The following GSE1 variants were observed in gnomAD, a reference collection of about 807,000 sequenced individuals.
The protein encoded by GSE1 is Gse1 coiled-coil protein, also known as genetic suppressor element 1.
In GSE1, 32 loss-of-function variants were observed where a neutral mutation model predicts 112.6. That is an observed-to-expected ratio of 0.28 (90% CI 0.21 to 0.38). The LOEUF (loss-of-function observed/expected upper bound fraction) is 0.38. Ranked by LOEUF, GSE1 falls within the 10% of genes least tolerant of loss-of-function variation. The probability of loss-of-function intolerance (pLI) is 1.00; values close to 1 mark genes in which losing one functional copy is unlikely to be tolerated. For synonymous variants in GSE1, 1,115 were observed against 735.6 expected, an observed-to-expected ratio of 1.52 and a Z score of -8.35; for missense variants, 2,348 against 1,699.2, an observed-to-expected ratio of 1.38 and a Z score of -6.71.
chr16:85,577,679 C>T (rs923172414), intron 1 of GSE1, among the ~76,000 whole-genome samples: 2 of 152,154 alleles, frequency 1.3e-5, no homozygotes, highest in Non-Finnish European at 2.9e-5. Flanking sequence ...AGGTCCTGAT[C>T]ACCCATCCTA....
intron 2 of GSE1, among the ~76,000 whole-genome samples, chr16:85,460,373 C>T (rs946102043): frequency 2.0e-5 from 3 of 152,170 alleles, no homozygotes; most frequent in African/African-American, 7.2e-5. Flanking sequence ...CTTAAACTTC[C>T]CGAATTGTCC....
chr16:85,656,670 C>A lies in GSE1; in HGVS notation c.1312+5C>A. The A allele has an allele frequency of 6.6e-7, 1 of 1,505,200 alleles. No homozygotes were observed. The highest frequency in any genetic ancestry group is 8.9e-7 in the Non-Finnish European group (1 of 1,126,364). The allele number at this position is 1,505,200 out of a possible 1,614,324, so 93.2% of individuals were successfully genotyped here. A position where few individuals can be genotyped will look rare whatever the true frequency, so the allele number is the denominator to read the frequency against. On this transcript the variant is annotated splice_donor_5th_base_variant and intron_variant, in intron 7 of 15. Transcript: ENST00000253458. Reference sequence around the variant, plus strand: ...AGCTGACCCCAACCCGAGCAGGTACCTGGGCGTGGGTGGGCTGTGCTGGGC... The same window carrying A: ...AGCTGACCCCAACCCGAGCAGGTACATGGGCGTGGGTGGGCTGTGCTGGGC...
At chr16:85,259,416 G>T (rs1567645165) in intron 1 of GSE1, among the ~76,000 whole-genome samples, 1 of 152,210 alleles carries the variant, frequency 6.6e-6, no homozygotes, top group Non-Finnish European at 1.5e-5. Context: ...TGTGTAAAGA[G>T]GCCAAGGATC....
intron 1 of GSE1, chr16:85,593,154 GC>G (rs1185776101): frequency 6.6e-6 from 1 of 152,340 alleles, no homozygotes; most frequent in Non-Finnish European, 1.5e-5. Flanking sequence ...AGAGCTGGGG[GC>G]AACCGTGGGC....
At chr16:85,461,669 A>T (rs2049972278) in intron 2 of GSE1, among the ~76,000 whole-genome samples, 1 of 152,140 alleles carries the variant, frequency 6.6e-6, no homozygotes, top group South Asian at 2.1e-4. Flanking sequence ...TTTAATTAGG[A>T]TCACCTGGAA....
chr16:85,612,276 CG>C (rs979225696), upstream of GSE1, among the ~76,000 whole-genome samples: 1 of 146,222 alleles, frequency 6.8e-6, no homozygotes, highest in Non-Finnish European at 1.5e-5. Context: ...TGGGCGGAGC[CG>C]GGGGGTGGGA....
chr16:85,613,605 G>T (rs1383382141), intron 1 of GSE1, among the ~76,000 whole-genome samples: 4 of 151,846 alleles, frequency 2.6e-5, no homozygotes, highest in Non-Finnish European at 4.4e-5. Context: ...AGCCTGGGAG[G>T]CCTGGCTGCG....
At chr16:85,442,680 C>G (rs1045040767) in intron 2 of GSE1, among the ~76,000 whole-genome samples, 4 of 152,204 alleles carry the variant, frequency 2.6e-5, no homozygotes, top group Non-Finnish European at 5.9e-5. Context: ...GCATCGTGAG[C>G]CAGGCGACCC....
At position 85,655,891 on chromosome 16, in the gene GSE1, G is replaced by C. The variant is rs758180413; in HGVS notation, c.963G>C (p.Glu321Asp). 2.2e-5 allele frequency: 35 copies of C among 1,605,852 alleles called. No individual in the cohort carries two copies. The highest frequency in any genetic ancestry group is 3.3e-4 in the Middle Eastern group (2 of 6,078). Residue 321 changes from glutamate to aspartate, a missense_variant, in exon 6 of 16, where the codon GAG becomes GAC. Coordinates refer to ENST00000253458, the MANE Select transcript of GSE1 (RefSeq NM_014615.5). ...SHSSLAALHSERMSGLSAERL... is the reference protein window; with the variant it reads ...SHSSLAALHSDRMSGLSAERL... The stretch of plus-strand genomic sequence containing the variant: ...CATCCCTGGCAGCGCTGCACTCGGA[G>C]CGCATGTCTGGCCTCAGCGCGGAGA...
chr16:85,668,450 G>A (rs749718447), intron 14 of GSE1, 26 bp downstream of exon 14: 10 of 1,482,018 alleles, frequency 6.7e-6, no homozygotes, highest in Non-Finnish European at 9.2e-6. Context: ...GGAAGAGGGG[G>A]GAGGGGGTCA....
chr16:85,524,559 G>C (rs577022373), intron 2 of GSE1, among the ~76,000 whole-genome samples: 49 of 152,180 alleles, frequency 3.2e-4, no homozygotes, highest in Non-Finnish European at 6.3e-4. Flanking sequence ...GAGGGTGAGG[G>C]TGGGGTCCAG....
chr16:85,371,557 C>T (rs370072071), intron 2 of GSE1, among the ~76,000 whole-genome samples: 32 of 152,286 alleles, frequency 2.1e-4, no homozygotes, highest in African/African-American at 7.7e-4. Context: ...TCTAAGGGGG[C>T]GTGGCAGGGC....
At chr16:85,282,336 G>A (rs952447919) in intron 1 of GSE1, among the ~76,000 whole-genome samples, 1 of 152,148 alleles carries the variant, frequency 6.6e-6, no homozygotes, top group Admixed American at 6.5e-5. Flanking sequence ...GGGTTGCTGT[G>A]TTTTCATGAC....
intron 1 of GSE1, among the ~76,000 whole-genome samples, chr16:85,267,391 C>T (rs992035743): frequency 2.0e-5 from 3 of 152,178 alleles, no homozygotes; most frequent in African/African-American, 4.8e-5. Flanking sequence ...TTCTCCATCA[C>T]CCCCTCGGTG....
intron 1 of GSE1, among the ~76,000 whole-genome samples, chr16:85,598,570 G>T (rs748839141): frequency 1.1e-4 from 17 of 152,246 alleles, no homozygotes; most frequent in Non-Finnish European, 1.2e-4. Flanking sequence ...CTTCTAATCC[G>T]TAGTGCCCGG....
At chr16:85,623,182 T>C (rs2048847381) in intron 1 of GSE1, among the ~76,000 whole-genome samples, 1 of 151,916 alleles carries the variant, frequency 6.6e-6, no homozygotes, top group South Asian at 2.1e-4. Context: ...TAAAAACAGG[T>C]TGAAGGGTAA....
intron 2 of GSE1, among the ~76,000 whole-genome samples, chr16:85,496,846 G>A (rs1404288407): frequency 6.6e-6 from 1 of 152,122 alleles, no homozygotes; most frequent in Non-Finnish European, 1.5e-5. Context: ...TGGGGCTCAG[G>A]GCAGCCCCTG....
chr16:85,557,344 C>T (rs190825407), intron 1 of GSE1, among the ~76,000 whole-genome samples: 9 of 152,218 alleles, frequency 5.9e-5, no homozygotes, highest in Non-Finnish European at 8.8e-5. Context: ...TTATTCCTCC[C>T]TCCCTCCGAG....
At chr16:85,651,010 G>A (rs1487662189) in intron 3 of GSE1, among the ~76,000 whole-genome samples, 1 of 134,298 alleles carries the variant, frequency 7.4e-6, no homozygotes, top group Non-Finnish European at 1.6e-5. Context: ...TCTAATCACC[G>A]GAGAATGACG....
Sources: allele counts gnomAD v4.1 joint callset (sites outside exome capture counted in the v4.1 genomes callset), GRCh38; gene constraint gnomAD v4.1.1; transcripts MANE v1.5; gene names NCBI Gene and HGNC (gene_info 2026-07-23, HGNC 2026-07-21).